CDH23: variants seen among roughly 807,000 people sequenced by gnomAD.
The protein encoded by CDH23 is cadherin related 23.
In CDH23, 189 loss-of-function variants were observed where a neutral mutation model predicts 317.1. The observed-to-expected ratio is 0.60, with a 90% CI of 0.53 to 0.67. The LOEUF (loss-of-function observed/expected upper bound fraction) is 0.67. Ranked by LOEUF, CDH23 falls within the 30% of genes least tolerant of loss-of-function variation. The pLI, the probability that CDH23 is intolerant of heterozygous loss-of-function variation, is 0.00. For missense variants in CDH23, 4,401 were observed against 4,592.4 expected, an observed-to-expected ratio of 0.96 and a Z score of 1.20; for synonymous variants, 1,839 against 1,876.8, an observed-to-expected ratio of 0.98 and a Z score of 0.52.
chr10:71,742,792 C>G (rs2132849444), intron 38 of CDH23, among the ~76,000 whole-genome samples: 1 of 152,318 alleles, frequency 6.6e-6, no homozygotes, highest in African/African-American at 2.4e-5. Context: ...GCCTTACAAA[C>G]CAAACAAAAC....
chr10:71,722,832 A>G (rs1439599270), intron 28 of CDH23, among the ~76,000 whole-genome samples: 1 of 152,222 alleles, frequency 6.6e-6, no homozygotes, highest in Non-Finnish European at 1.5e-5. Context: ...TTCAAGAAAC[A>G]GCCAGGAGAC....
intron 11 of CDH23, among the ~76,000 whole-genome samples, chr10:71,636,580 G>A (rs1490366408): frequency 2.6e-5 from 4 of 152,192 alleles, no homozygotes; most frequent in African/African-American, 9.7e-5. Context: ...AGCTTCCCAT[G>A]TGGTAGATCA....
At chr10:71,440,531 G>GAGC (rs1314162428) in intron 2 of CDH23, among the ~76,000 whole-genome samples, 1 of 152,224 alleles carries the variant, frequency 6.6e-6, no homozygotes, top group Non-Finnish European at 1.5e-5. Context: ...TAAACTAGGT[G>GAGC]AGCAGGAAGA....
intron 34 of CDH23, among the ~76,000 whole-genome samples, chr10:71,736,191 C>T (rs1447410052): frequency 6.6e-6 from 1 of 152,254 alleles, no homozygotes; most frequent in African/African-American, 2.4e-5. Context: ...GCTTTGCCCT[C>T]TTCCGGTTAG....
At chr10:71,806,019 A>AG in intron 56 of CDH23, 22 bp downstream of exon 56, 1 of 422,432 alleles carries the variant, frequency 2.4e-6, no homozygotes, top group Non-Finnish European at 3.9e-6. Flanking sequence ...GCCCGGTGCG[A>AG]GGGGCGGGGT....
chr10:71,405,232 C>G (rs1432793800), intron 1 of CDH23, among the ~76,000 whole-genome samples: 1 of 152,076 alleles, frequency 6.6e-6, no homozygotes, highest in African/African-American at 2.4e-5. Flanking sequence ...TTATTCTCCT[C>G]CAGCACCCCA....
intron 1 of CDH23, among the ~76,000 whole-genome samples, chr10:71,434,916 C>T (rs1246596189): frequency 6.6e-6 from 1 of 152,220 alleles, no homozygotes; most frequent in South Asian, 2.1e-4. Flanking sequence ...AGCCATCTGC[C>T]TTCTTCTTGG....
At chr10:71,507,743 G>A (rs957757151) in intron 3 of CDH23, among the ~76,000 whole-genome samples, 1 of 152,312 alleles carries the variant, frequency 6.6e-6, no homozygotes, top group East Asian at 1.9e-4. Context: ...ATGTCTTCCT[G>A]TTCGTTTTAG....
At chr10:71,780,512 G>A (rs1564790123) in intron 41 of CDH23, among the ~76,000 whole-genome samples, 1 of 152,318 alleles carries the variant, frequency 6.6e-6, no homozygotes, top group Non-Finnish European at 1.5e-5. Context: ...TGAGGTTGGA[G>A]CATGCCTGGG....
intron 38 of CDH23, among the ~76,000 whole-genome samples, chr10:71,743,045 A>G (rs549297213): frequency 6.6e-6 from 1 of 152,328 alleles, no homozygotes; most frequent in Non-Finnish European, 1.5e-5. Context: ...AGTGTCCAGA[A>G]GAGACAGCAG....
chr10:71,482,015 C>A (rs1852094822), intron 3 of CDH23, among the ~76,000 whole-genome samples: 1 of 152,134 alleles, frequency 6.6e-6, no homozygotes, highest in Non-Finnish European at 1.5e-5. Context: ...CTCTTCCCAC[C>A]CTCCCCGTCC....
At chr10:71,587,563 G>C (rs919840498) in intron 9 of CDH23, among the ~76,000 whole-genome samples, 1 of 152,230 alleles carries the variant, frequency 6.6e-6, no homozygotes, top group African/African-American at 2.4e-5. Flanking sequence ...CCAGGGTGAG[G>C]AGAGGGTACC....
chr10:71,553,172 G>A lies in CDH23; in HGVS notation c.430-13570G>A, dbSNP rs1201644310. Among the ~76,000 whole-genome samples, 3 of 152,156 alleles carry A rather than the reference G, an allele frequency of 2.0e-5. No homozygotes were observed. In the East Asian group the frequency reaches 5.8e-4, roughly 29 times the overall value. ...TATGCAGCCAGGGGTGTGAACCATTGGAATAGACATTGGAATAGGATCATT... is the reference window on the plus strand; with the variant it reads ...TATGCAGCCAGGGGTGTGAACCATTAGAATAGACATTGGAATAGGATCATT... On this transcript the variant is annotated intron_variant, in intron 6 of 69. Transcript: ENST00000224721.
At chr10:71,411,610 T>G (rs1365736293) in intron 1 of CDH23, among the ~76,000 whole-genome samples, 1 of 152,192 alleles carries the variant, frequency 6.6e-6, no homozygotes, top group African/African-American at 2.4e-5. Context: ...CTTGCTTTAT[T>G]GCAATGGCAA....
intron 9 of CDH23, among the ~76,000 whole-genome samples, chr10:71,614,297 T>C (rs945142454): frequency 2.0e-5 from 3 of 152,232 alleles, no homozygotes; most frequent in Non-Finnish European, 4.4e-5. Context: ...GGGCCTGCTA[T>C]AGGAAAGCCT....
At chr10:71,781,876 T>G (rs988496661) in intron 41 of CDH23, among the ~76,000 whole-genome samples, 1 of 152,180 alleles carries the variant, frequency 6.6e-6, no homozygotes, top group African/African-American at 2.4e-5. Flanking sequence ...GAGGAAGGCC[T>G]GATGGTACTG....
intron 9 of CDH23, among the ~76,000 whole-genome samples, chr10:71,603,563 G>A (rs931680674): frequency 3.9e-5 from 6 of 152,196 alleles, no homozygotes; most frequent in African/African-American, 1.4e-4. Context: ...ATGGGTGTTT[G>A]GGCCTACCTG....
chr10:71,440,650 C>T (rs1427897124), intron 2 of CDH23, among the ~76,000 whole-genome samples: 1 of 152,202 alleles, frequency 6.6e-6, no homozygotes, highest in Non-Finnish European at 1.5e-5. Context: ...GTGCCAGCTC[C>T]AGAGCCCACG....
intron 14 of CDH23, among the ~76,000 whole-genome samples, chr10:71,672,063 C>T (rs1419890964): frequency 3.3e-5 from 5 of 152,154 alleles, no homozygotes; most frequent in South Asian, 2.1e-4. Flanking sequence ...GGGAGACGCA[C>T]GTTAACCTTA....
Sources: allele counts gnomAD v4.1 joint callset (sites outside exome capture counted in the v4.1 genomes callset), GRCh38; gene constraint gnomAD v4.1.1; transcripts MANE v1.5; gene names NCBI Gene and HGNC (gene_info 2026-07-23, HGNC 2026-07-21).